NPM1: variants seen among roughly 807,000 people sequenced by gnomAD.
NPM1 encodes nucleophosmin.
NPM1 carries 1 observed loss-of-function variant against 44.1 expected under a neutral mutation model. The observed-to-expected ratio is 0.02, with a 90% CI of 0.01 to 0.11. The LOEUF is 0.11. Ranked by LOEUF, NPM1 falls within the 10% of genes least tolerant of loss-of-function variation. The pLI is 1.00. For synonymous variants in NPM1, 126 were observed against 111.8 expected, an observed-to-expected ratio of 1.13 and a Z score of -0.80; for missense variants, 197 against 347.8, an observed-to-expected ratio of 0.57 and a Z score of 3.45.
At chr5:171,398,743 G>T (rs1192183420) in intron 6 of NPM1, among the ~76,000 whole-genome samples, 1 of 152,222 alleles carries the variant, frequency 6.6e-6, no homozygotes, top group Admixed American at 6.5e-5. Context: ...CTGCACTCCA[G>T]CCTGGCGACA....
upstream of NPM1, chr5:171,387,629 G>C (rs886265526): frequency 1.2e-5 from 4 of 336,378 alleles, no homozygotes; most frequent in Non-Finnish European, 2.2e-5. Flanking sequence ...CAGCAGCGGA[G>C]GGGTGGGGCC....
intron 6 of NPM1, among the ~76,000 whole-genome samples, chr5:171,399,770 T>G (rs1353594174): frequency 6.6e-6 from 1 of 152,182 alleles, no homozygotes; most frequent in Admixed American, 6.6e-5. Context: ...TACAGTGGTA[T>G]AGTGTGTATT....
At chr5:171,388,272 TG>T (rs1371490641) in intron 1 of NPM1, among the ~76,000 whole-genome samples, 1 of 152,016 alleles carries the variant, frequency 6.6e-6, no homozygotes, top group Non-Finnish European at 1.5e-5. Flanking sequence ...TGAGGTAAAG[TG>T]GAACCGGCCG....
chr5:171,398,184 G>C (rs1771011263), intron 6 of NPM1, among the ~76,000 whole-genome samples: 1 of 152,238 alleles, frequency 6.6e-6, no homozygotes, highest in South Asian at 2.1e-4. Flanking sequence ...TAACTTTCAT[G>C]ATGGTGGCCT....
rs1328918193 is a variant in NPM1, at chr5:171,403,746, C to A, written c.670-1556C>A. On this transcript the variant is annotated intron_variant, in intron 8 of 10. Transcript: ENST00000296930. ...CGGCCGGGCGGGGGGCTGACCCCCC[C>A]ACCTCCCTCCCGGACGGGGCGGCTG... 4.2e-5 allele frequency among the ~76,000 whole-genome samples: 6 copies of A among 141,490 alleles called. No individual in the cohort carries two copies. The East Asian group carries it at 6.6e-4, about 16-fold the overall frequency. 92.8% of individuals were successfully genotyped at this position (141,490 alleles called of 152,430 possible).
At chr5:171,392,555 T>G (rs1770629729) in intron 4 of NPM1, among the ~76,000 whole-genome samples, 155 bp from the exon 5 acceptor site, 1 of 151,318 alleles carries the variant, frequency 6.6e-6, no homozygotes, top group Non-Finnish European at 1.5e-5. Context: ...CTCAAAATAC[T>G]TTTGTTAAAA....
rs1491559561 is a variant in NPM1, at chr5:171,404,176, C to CG, written c.670-1119dup. Among the ~76,000 whole-genome samples the CG allele has an allele frequency of 8.8e-5, 8 of 90,670 alleles. 1 individual carries two copies. The highest frequency in any genetic ancestry group is 1.0e-4 in the Admixed American group (1 of 9,774). The allele number at this position is 90,670 out of a possible 152,430, so 59.5% of individuals were successfully genotyped here. On this transcript the variant is annotated intron_variant, in intron 8 of 10. Transcript: ENST00000296930. ...CTCCCGGATGGCACGGCTGGCCGGT[C>CG]GGGGGGGCTGACCCCCCACCTCCCT... is the stretch of plus-strand genomic sequence containing the variant.
rs752928805 is a variant in NPM1 at position 171,391,432 on chromosome 5, C to G, written c.258+8C>G. ...ATGTCTGTACAGCCAACGGTAAGGG[C>G]ACTTACATACTTTGGATGTTGTGTC... On this transcript the variant is annotated splice_region_variant and intron_variant, in intron 3 of 10. Coordinates refer to ENST00000296930, the MANE Select transcript of NPM1 (RefSeq NM_002520.7). 3.1e-6 allele frequency: 5 copies of G among 1,605,138 alleles called. No individual in the cohort carries two copies. The Admixed American group carries it at 8.4e-5, about 27-fold the overall frequency.
chr5:171,388,895 A>G (rs1213569696), intron 1 of NPM1, among the ~76,000 whole-genome samples: 2 of 152,218 alleles, frequency 1.3e-5, no homozygotes, highest in Non-Finnish European at 2.9e-5. Context: ...ATAAGAGACT[A>G]AATCTAAACC....
intron 6 of NPM1, among the ~76,000 whole-genome samples, chr5:171,397,784 CTG>C (rs1288132954): frequency 4.0e-5 from 6 of 150,476 alleles, no homozygotes; most frequent in East Asian, 2.0e-4. Context: ...CTGTGAGCCA[CTG>C]TGCCTGGCAA....
chr5:171,392,330 T>C (rs968257946), intron 4 of NPM1, among the ~76,000 whole-genome samples: 2 of 152,234 alleles, frequency 1.3e-5, no homozygotes, highest in Admixed American at 6.5e-5. Flanking sequence ...GAACTGCTAC[T>C]GGGTTCACCT....
intron 8 of NPM1, among the ~76,000 whole-genome samples, chr5:171,401,531 G>C (rs1453150581): frequency 6.6e-6 from 1 of 152,086 alleles, no homozygotes; most frequent in African/African-American, 2.4e-5. Context: ...TCACTTCCCG[G>C]GTTCAAGCGA....
chr5:171,408,032 C>A (rs554376515), intron 10 of NPM1, among the ~76,000 whole-genome samples: 4 of 151,974 alleles, frequency 2.6e-5, no homozygotes, highest in Non-Finnish European at 5.9e-5. Flanking sequence ...TTATTGAATT[C>A]AGTTTTACTT....
chr5:171,406,377 T>G (rs199925590), intron 9 of NPM1: 3 of 1,606,220 alleles, frequency 1.9e-6, no homozygotes, highest in Non-Finnish European at 2.6e-6. Context: ...TATGGTCCTA[T>G]CTCCTTGGTT....
intron 8 of NPM1, among the ~76,000 whole-genome samples, chr5:171,404,238 C>G (rs1340135973): frequency 9.2e-6 from 1 of 108,938 alleles, no homozygotes; most frequent in Non-Finnish European, 1.9e-5. Flanking sequence ...GGGGTTGACC[C>G]CCCCCCACCT....
intron 1 of NPM1, among the ~76,000 whole-genome samples, chr5:171,389,221 C>T (rs1770442665): frequency 6.6e-6 from 1 of 152,008 alleles, no homozygotes; most frequent in Non-Finnish European, 1.5e-5. Context: ...CAAATCCTAC[C>T]GTGAATTTTA....
intron 8 of NPM1, among the ~76,000 whole-genome samples, chr5:171,401,817 C>T (rs947133639): frequency 6.6e-6 from 1 of 152,158 alleles, no homozygotes; most frequent in Admixed American, 6.5e-5. Flanking sequence ...AAGTTCTCAA[C>T]CTTGGCTGCA....
intron 10 of NPM1, 138 bp downstream of exon 10, chr5:171,407,912 T>C: frequency 1.6e-6 from 1 of 610,550 alleles, no homozygotes; most frequent in South Asian, 2.1e-5. Flanking sequence ...ATGAAATACC[T>C]GAAAACTCAT....
chr5:171,407,816 T>G, intron 10 of NPM1, 42 bp downstream of exon 10: 1 of 1,246,870 alleles, frequency 8.0e-7, no homozygotes, highest in Non-Finnish European at 1.2e-6. Flanking sequence ...CCAAGTTTTT[T>G]TGTGATTTAT....
Sources: gnomAD v4.1 joint callset for allele counts (sites outside exome capture counted in the v4.1 genomes callset) on GRCh38, gnomAD v4.1.1 for gene constraint, MANE v1.5 for transcripts, NCBI Gene and HGNC (gene_info 2026-07-23, HGNC 2026-07-21) for gene names.